Variants in EXOC4 observed in about 807,000 individuals in gnomAD.
The protein encoded by EXOC4 is exocyst complex component 4, also known as SEC8-like 1.
In EXOC4, 71 loss-of-function variants were observed where a neutral mutation model predicts 107.2. That is an observed-to-expected ratio of 0.66 (90% CI 0.55 to 0.81). The LOEUF (loss-of-function observed/expected upper bound fraction) is 0.81. Among genes scored for constraint, EXOC4 ranks in the 30% least tolerant of loss-of-function variants. EXOC4 has a pLI of 0.00. For missense variants in EXOC4, 1,108 were observed against 1,189.6 expected, an observed-to-expected ratio of 0.93 and a Z score of 1.01; for synonymous variants, 456 against 441.2, an observed-to-expected ratio of 1.03 and a Z score of -0.42.
At chr7:134,028,050 G>A (rs377109444) in intron 17 of EXOC4, among the ~76,000 whole-genome samples, 64 of 152,308 alleles carry the variant, frequency 4.2e-4, no homozygotes, top group African/African-American at 1.5e-3. Flanking sequence ...GATGCCCTAG[G>A]GCAACGATAG....
At chr7:133,295,369 T>C (rs1483785523) in intron 3 of EXOC4, among the ~76,000 whole-genome samples, 1 of 152,152 alleles carries the variant, frequency 6.6e-6, no homozygotes, top group East Asian at 1.9e-4. Context: ...AATTTCAGAT[T>C]ATGTGTTATC....
intron 7 of EXOC4, among the ~76,000 whole-genome samples, chr7:133,438,101 A>G (rs1402935755): frequency 6.6e-6 from 1 of 152,196 alleles, no homozygotes. Flanking sequence ...CTCCATATTT[A>G]GTTCAGATCT....
chr7:133,313,175 T>A (rs1254183422), intron 4 of EXOC4, among the ~76,000 whole-genome samples: 3 of 151,858 alleles, frequency 2.0e-5, no homozygotes, highest in Non-Finnish European at 2.9e-5. Flanking sequence ...GCTTAGATTT[T>A]AAATTTTTAG....
At chr7:133,465,856 C>T (rs938377525) in intron 7 of EXOC4, among the ~76,000 whole-genome samples, 2 of 152,062 alleles carry the variant, frequency 1.3e-5, no homozygotes, top group African/African-American at 4.8e-5. Context: ...GAAAACTCGG[C>T]CGGGGGCAGT....
chr7:134,099,455 A>G, the EXOC4 span, among the ~76,000 whole-genome samples: 1 of 151,594 alleles, frequency 6.6e-6, no homozygotes, highest in African/African-American at 2.4e-5. Flanking sequence ...AGCTGAACAA[A>G]CAGGCCTTCT....
At chr7:133,614,789 CAAAAAAAAAAAAAAAA>C (rs35947572) in intron 9 of EXOC4, among the ~76,000 whole-genome samples, 4 of 61,682 alleles carry the variant, frequency 6.5e-5, no homozygotes, top group Non-Finnish European at 8.7e-5. Flanking sequence ...GTACATATGG[CAAAAAAAAAAAAAAAA>C]AAAAAAAAAA....
At chr7:133,956,801 T>C (rs1800829451) in intron 14 of EXOC4, among the ~76,000 whole-genome samples, 1 of 152,258 alleles carries the variant, frequency 6.6e-6, no homozygotes, top group Non-Finnish European at 1.5e-5. Context: ...GAAAAGACTC[T>C]ATTTCTTAAT....
chr7:133,274,099 A>G (rs780523776), intron 1 of EXOC4, among the ~76,000 whole-genome samples: 6 of 152,366 alleles, frequency 3.9e-5, no homozygotes, highest in Non-Finnish European at 8.8e-5. Context: ...TTTAATAAGT[A>G]TATCTATCTC....
rs549718919 is a variant in EXOC4, at chr7:133,821,831, G to T, written c.1734+4287G>T. On this transcript the variant is annotated intron_variant, in intron 11 of 17. Transcript: ENST00000253861. Reference sequence around the variant, plus strand: ...ATCCCCAGCTCCTAGAATAGTGTCTGCCATAGAGGAAACACTCAATATTTA... The same window carrying T: ...ATCCCCAGCTCCTAGAATAGTGTCTTCCATAGAGGAAACACTCAATATTTA... Among the ~76,000 whole-genome samples, 20 of 152,298 alleles carry T rather than the reference G, an allele frequency of 1.3e-4. No homozygotes were observed. In the South Asian group the frequency reaches 3.9e-3, roughly 30 times the overall value.
At chr7:133,541,504 G>T (rs1469150) in intron 9 of EXOC4, among the ~76,000 whole-genome samples, 139,095 of 152,188 alleles carry the variant, frequency 0.91, 64,869 homozygotes, top group East Asian at 1. Context: ...GTTACATTAC[G>T]TTATTTATTT....
At chr7:133,776,135 A>C (rs1437023510) in intron 10 of EXOC4, among the ~76,000 whole-genome samples, 2 of 152,174 alleles carry the variant, frequency 1.3e-5, no homozygotes, top group Non-Finnish European at 2.9e-5. Context: ...GCATGATTTT[A>C]AAGAATAGGT....
At chr7:133,449,201 A>T (rs1235715626) in intron 7 of EXOC4, among the ~76,000 whole-genome samples, 1 of 152,196 alleles carries the variant, frequency 6.6e-6, no homozygotes, top group East Asian at 1.9e-4. Context: ...GATTAGAGTA[A>T]AACTTGTACA....
intron 14 of EXOC4, among the ~76,000 whole-genome samples, chr7:133,989,822 G>C (rs991105891): frequency 3.3e-5 from 5 of 152,144 alleles, no homozygotes; most frequent in Non-Finnish European, 7.3e-5. Context: ...GGACTAACAG[G>C]GAGCAGGTAG....
rs759029227 is a variant in EXOC4, at chr7:133,533,053, G to A, written c.1417+52915G>A. ...ATTTGCCTGTGTTGATTGACTTTCA[G>A]TATCTGATTACAGAAGCTCTGAGCA... On this transcript the variant is annotated intron_variant, in intron 9 of 17. Transcript: ENST00000253861. Among the ~76,000 whole-genome samples the A allele has an allele frequency of 4.3e-4, 65 of 152,094 alleles. 1 individual carries two copies. The highest frequency in any genetic ancestry group is 7.4e-5 in the Non-Finnish European group (5 of 67,976).
At chr7:133,531,864 C>A (rs534928525) in intron 9 of EXOC4, among the ~76,000 whole-genome samples, 2 of 152,138 alleles carry the variant, frequency 1.3e-5, no homozygotes, top group East Asian at 3.9e-4. Flanking sequence ...TTGAATATCC[C>A]GTATCCAAAA....
intron 10 of EXOC4, 89 bp from the exon 11 acceptor site, chr7:133,817,236 C>A: frequency 1.2e-6 from 1 of 854,412 alleles, no homozygotes. Context: ...ACAGAAATAG[C>A]CAACACTAGA....
chr7:133,814,733 T>C (rs1042501395), intron 10 of EXOC4, among the ~76,000 whole-genome samples: 1 of 152,192 alleles, frequency 6.6e-6, no homozygotes, highest in African/African-American at 2.4e-5. Flanking sequence ...GTTGTAAAAA[T>C]TGGTATCTTA....
At chr7:134,062,924 A>G (rs2116635619) in intron 17 of EXOC4, among the ~76,000 whole-genome samples, 1 of 152,386 alleles carries the variant, frequency 6.6e-6, no homozygotes, top group South Asian at 2.1e-4. Flanking sequence ...GAGCCAGGCC[A>G]ATGGCCTTGC....
intron 9 of EXOC4, among the ~76,000 whole-genome samples, chr7:133,501,021 A>G (rs184809413): frequency 1.5e-4 from 23 of 152,288 alleles, no homozygotes; most frequent in African/African-American, 4.6e-4. Flanking sequence ...AAATACATGT[A>G]ACTATTTTAC....
Sources: allele counts gnomAD v4.1 joint callset (sites outside exome capture counted in the v4.1 genomes callset), GRCh38; gene constraint gnomAD v4.1.1; transcripts MANE v1.5; gene names NCBI Gene and HGNC (gene_info 2026-07-23, HGNC 2026-07-21).